PCF11: variants seen among roughly 807,000 people sequenced by gnomAD.
PCF11 encodes the protein PCF11 cleavage and polyadenylation factor subunit.
PCF11 carries 19 observed loss-of-function variants against 166.1 expected under a neutral mutation model. The observed-to-expected ratio is 0.11, with a 90% CI of 0.08 to 0.17. The LOEUF is 0.17. Ranked by LOEUF, PCF11 falls within the 10% of genes least tolerant of loss-of-function variation. The probability of loss-of-function intolerance (pLI) is 1.00; values close to 1 mark genes in which losing one functional copy is unlikely to be tolerated. For synonymous variants in PCF11, 663 were observed against 644.1 expected, an observed-to-expected ratio of 1.03 and a Z score of -0.44; for missense variants, 1,565 against 1,855.5, an observed-to-expected ratio of 0.84 and a Z score of 2.88.
exon 8 of PCF11, chr11:83,168,783 G>A (rs75717911): frequency 0.01 from 16,800 of 1,613,688 alleles, 123 homozygotes; most frequent in Non-Finnish European, 0.012. Context: ...TAGGAGGTGG[G>A]TGTCCTTTGA....
chr11:83,174,018 T>C (rs1432980470), intron 9 of PCF11, among the ~76,000 whole-genome samples: 1 of 152,122 alleles, frequency 6.6e-6, no homozygotes, highest in Non-Finnish European at 1.5e-5. Flanking sequence ...TATGAGCCAC[T>C]GTGCCCAGCC....
intron 8 of PCF11, chr11:83,171,394 T>G (rs1278761360): frequency 9.7e-6 from 4 of 411,180 alleles, no homozygotes; most frequent in Non-Finnish European, 1.9e-5. Flanking sequence ...AACTAGCCCT[T>G]GTGATTGTGT....
chr11:83,166,063 C>T (rs766378371), exon 5 of PCF11: 8 of 1,604,806 alleles, frequency 5.0e-6, no homozygotes, highest in East Asian at 4.5e-5. Context: ...AATCAAGAAT[C>T]GGAAAGTATG....
At chr11:83,157,217 T>G in exon 1 of PCF11, 1 of 586,810 alleles carries the variant, frequency 1.7e-6, no homozygotes, top group Non-Finnish European at 3.0e-6. Context: ...AGAAAGAAGC[T>G]TCTGTGGCGG....
At chr11:83,184,998 C>T (rs987507506) in exon 16 of PCF11, 2 of 700,758 alleles carry the variant, frequency 2.9e-6, no homozygotes, top group Non-Finnish European at 4.6e-6. Context: ...TATAAATTGT[C>T]TGGCTGAGGC....
intron 2 of PCF11, among the ~76,000 whole-genome samples, chr11:83,162,311 A>G (rs1860287105): frequency 6.6e-6 from 1 of 152,188 alleles, no homozygotes. Flanking sequence ...GATTTGTAGA[A>G]TTGGAATTTT....
At chr11:83,177,038 A>G in intron 9 of PCF11, 47 bp from the exon 10 acceptor site, 1 of 1,363,070 alleles carries the variant, frequency 7.3e-7, no homozygotes, top group Non-Finnish European at 9.6e-7. Flanking sequence ...TAAGTTCTAC[A>G]TTCACTTCAA....
At chr11:83,182,938 T>C (rs1861132891) in intron 14 of PCF11, 100 bp from the exon 15 acceptor site, 1 of 789,402 alleles carries the variant, frequency 1.3e-6, no homozygotes, top group Admixed American at 3.1e-5. Context: ...TTTTGTCTTC[T>C]TTCCAAAGAC....
exon 8 of PCF11, chr11:83,168,431 T>C (rs773205717): frequency 6.3e-7 from 1 of 1,581,942 alleles, no homozygotes; most frequent in South Asian, 1.1e-5. Context: ...TTAAAAGGTG[T>C]GCGAGAAGAG....
rs1274857638 is a variant in PCF11 at position 83,167,007 on chromosome 11, C to CT, written c.1818-113dup. On this transcript the variant is annotated intron_variant, in intron 5 of 15. Coordinates refer to ENST00000298281, the Ensembl canonical transcript of PCF11. The surrounding 1 kb of genome is among the most constrained non-coding windows in gnomAD (Gnocchi z 4.2). ...GTGCTCTTAATCATTTATTTAATTACTTTTTGTGGTTACATATGCCCATTT... is the reference window on the plus strand; with the variant it reads ...GTGCTCTTAATCATTTATTTAATTACTTTTTTGTGGTTACATATGCCCATTT... 1.1e-5 allele frequency: 9 copies of CT among 789,010 alleles called. No homozygotes were observed. The highest frequency in any genetic ancestry group is 1.8e-5 in the Non-Finnish European group (9 of 494,094). 48.9% of individuals were successfully genotyped at this position (789,010 alleles called of 1,614,324 possible).
rs1175958348 is a variant in PCF11 at position 83,167,518 on chromosome 11, G to A, written c.2092+13G>A. ...CAGTATCAAGAAGGTAAACATAGAT[G>A]CAATGTACGGGATAGTCCTACAGAA... On this transcript the variant is annotated intron_variant, in intron 7 of 15. Coordinates refer to ENST00000298281, the Ensembl canonical transcript of PCF11. This position sits in a 1 kb window ranked among gnomAD's most constrained non-coding sequence, Gnocchi z 4.2. 1.2e-6 allele frequency: 2 copies of A among 1,609,634 alleles called. No homozygotes were observed. Among genetic ancestry groups the A allele is most frequent in the East Asian group, 2.2e-5 (1 of 44,800 alleles).
At chr11:83,159,859 AT>A (rs1408080201) in intron 1 of PCF11, among the ~76,000 whole-genome samples, 1 of 152,338 alleles carries the variant, frequency 6.6e-6, no homozygotes, top group Admixed American at 6.5e-5. Flanking sequence ...GTAGCGAAAA[AT>A]AATACATAAA....
At chr11:83,169,669 C>G in exon 8 of PCF11, 1 of 1,613,856 alleles carries the variant, frequency 6.2e-7, no homozygotes, top group Non-Finnish European at 8.5e-7. Context: ...TCTTGGTCTT[C>G]AAGGCACAAG....
chr11:83,168,598 C>T, exon 8 of PCF11: 3 of 1,613,918 alleles, frequency 1.9e-6, no homozygotes, highest in Non-Finnish European at 2.5e-6. Context: ...ATTTGATGGA[C>T]CTAGTAGGCC....
intron 3 of PCF11, 60 bp downstream of exon 3, chr11:83,163,927 T>G (rs1034956898): frequency 2.5e-5 from 20 of 794,336 alleles, no homozygotes; most frequent in Middle Eastern, 4.8e-4. Context: ...TGAATTCTTC[T>G]GCAGAACTTA....
At position 83,167,351 on chromosome 11, in the gene PCF11, G is replaced by A. The variant is rs17144692; in HGVS notation, c.2001+43G>A. ...TCCCATGTAGTCATCATTATCTATC[G>A]TCTATTTTTTTGGTATTTTTTTATA... On this transcript the variant is annotated intron_variant, in intron 6 of 15. Transcript: ENST00000298281. This position sits in a 1 kb window ranked among gnomAD's most constrained non-coding sequence, Gnocchi z 4.2. 128,519 of 1,541,634 alleles carry A rather than the reference G, an allele frequency of 0.083. 5,980 individuals are homozygous for A. The highest frequency in any genetic ancestry group is 0.15 in the African/African-American group (10,608 of 71,824).
At chr11:83,183,959 C>T (rs1312688380) in intron 15 of PCF11, 1 of 151,410 alleles carries the variant, frequency 6.6e-6, no homozygotes, top group Non-Finnish European at 1.5e-5. Flanking sequence ...CGAGAACAGC[C>T]TGGCCAACAT....
intron 1 of PCF11, among the ~76,000 whole-genome samples, chr11:83,160,329 T>G (rs1860190227): frequency 6.9e-6 from 1 of 145,488 alleles, no homozygotes; most frequent in African/African-American, 2.6e-5. Context: ...AAGTTTTTTT[T>G]TTTTTTTTTT....
exon 10 of PCF11, chr11:83,177,125 G>A (rs1383757574): frequency 6.3e-7 from 1 of 1,577,278 alleles, no homozygotes; most frequent in Non-Finnish European, 8.6e-7. Flanking sequence ...ATCTCAGTCA[G>A]GTGGATGTAA....
Sources: allele counts gnomAD v4.1 joint callset (sites outside exome capture counted in the v4.1 genomes callset), GRCh38; gene constraint gnomAD v4.1.1; non-coding constraint Gnocchi (gnomAD v3.1); transcripts MANE v1.5; gene names NCBI Gene and HGNC (gene_info 2026-07-23, HGNC 2026-07-21).